Variants in PCSK1 observed in about 807,000 individuals in gnomAD.
PCSK1 encodes the protein neuroendocrine convertase 1.
In PCSK1, 56 loss-of-function variants were observed where a neutral mutation model predicts 90.6. The observed-to-expected ratio is 0.62, with a 90% CI of 0.50 to 0.77. The LOEUF (loss-of-function observed/expected upper bound fraction) is 0.77, where lower values mean the gene tolerates loss of function less well. PCSK1 is among the 30% of genes least tolerant of loss of function. The pLI, the probability that PCSK1 is intolerant of heterozygous loss-of-function variation, is 0.00. For synonymous variants in PCSK1, 348 were observed against 342.4 expected (o/e 1.02, Z -0.18); for missense variants, 801 against 932.6 (o/e 0.86, Z 1.84).
chr5:96,431,806 G>GA (rs931694010), intron 1 of PCSK1, among the ~76,000 whole-genome samples: 3 of 152,176 alleles, frequency 2.0e-5, no homozygotes, highest in Admixed American at 6.5e-5. Flanking sequence ...ACCACCTCCA[G>GA]AAAAAACGCG....
rs57333287 is a variant in PCSK1 at position 96,423,584 on chromosome 5, G to A, written c.397-125C>T. ...TGGGTCACTCTACTCTTTAGAAGAA[G>A]CCAATTCAGTGAAATGAGAAAACAA... On this transcript the variant is annotated intron_variant, in intron 3 of 13. Coordinates refer to ENST00000311106, the MANE Select transcript of PCSK1 (RefSeq NM_000439.5). The A allele has an allele frequency of 6.3e-3, 5,273 of 843,448 alleles. 179 individuals are homozygous for A. The African/African-American group carries it at 0.075, about 12-fold the overall frequency. 52.2% of individuals were successfully genotyped at this position (843,448 alleles called of 1,614,324 possible).
At chr5:96,414,701 A>C (rs937202716) in intron 6 of PCSK1, among the ~76,000 whole-genome samples, 5 of 152,218 alleles carry the variant, frequency 3.3e-5, no homozygotes, top group Admixed American at 6.5e-5. Flanking sequence ...CTTTCTCTAC[A>C]AAATGAAGGG....
intron 8 of PCSK1, among the ~76,000 whole-genome samples, chr5:96,409,997 A>T (rs918330154): frequency 6.6e-6 from 1 of 152,194 alleles, no homozygotes; most frequent in Non-Finnish European, 1.5e-5. Flanking sequence ...TTAGATCATG[A>T]CCTGCTATTT....
At chr5:96,417,697 G>T (rs142960606) in intron 5 of PCSK1, among the ~76,000 whole-genome samples, 1 of 152,132 alleles carries the variant, frequency 6.6e-6, no homozygotes, top group African/African-American at 2.4e-5. Context: ...ACATCACTTG[G>T]GTGAATATTT....
chr5:96,422,663 T>A (rs73148257), intron 4 of PCSK1, among the ~76,000 whole-genome samples: 1,650 of 152,294 alleles, frequency 0.011, 31 homozygotes, highest in African/African-American at 0.037. Flanking sequence ...AGCTGGGGAA[T>A]GTTTGATAGG....
chr5:96,424,045 T>C (rs1320667331), intron 3 of PCSK1, among the ~76,000 whole-genome samples: 2 of 152,120 alleles, frequency 1.3e-5, no homozygotes, highest in African/African-American at 4.8e-5. Context: ...GTTTTCCTTT[T>C]AAAATACATT....
intron 9 of PCSK1, among the ~76,000 whole-genome samples, chr5:96,406,322 G>T (rs1760560935): frequency 6.6e-6 from 1 of 152,148 alleles, no homozygotes; most frequent in Non-Finnish European, 1.5e-5. Context: ...ATTTGGATCT[G>T]CTGATGCCAG....
chr5:96,424,337 G>A (rs1761217452), intron 3 of PCSK1, among the ~76,000 whole-genome samples: 1 of 152,186 alleles, frequency 6.6e-6, no homozygotes, highest in Admixed American at 6.5e-5. Flanking sequence ...GGCTGGAACT[G>A]TACACAGATT....
intron 8 of PCSK1, among the ~76,000 whole-genome samples, chr5:96,410,335 G>C (rs1352005345): frequency 6.6e-6 from 1 of 152,122 alleles, no homozygotes. Flanking sequence ...AGGAGACATA[G>C]CTGGTGTAGA....
At chr5:96,420,265 T>C (rs896067847) in intron 5 of PCSK1, among the ~76,000 whole-genome samples, 3 of 152,160 alleles carry the variant, frequency 2.0e-5, no homozygotes, top group Non-Finnish European at 4.4e-5. Context: ...CACCCTTTAC[T>C]CTGGGAATTG....
chr5:96,400,855 A>T (rs369734422), intron 9 of PCSK1, among the ~76,000 whole-genome samples: 49,128 of 150,842 alleles, frequency 0.33, 8,530 homozygotes, highest in African/African-American at 0.48. Flanking sequence ...TGGGAGGCCG[A>T]GGCGGGCGGA....
intron 12 of PCSK1, 135 bp downstream of exon 12, chr5:96,397,199 ACT>A (rs1760182651): frequency 5.2e-6 from 4 of 762,668 alleles, no homozygotes; most frequent in South Asian, 4.6e-5. Flanking sequence ...GGCTTGAAAC[ACT>A]CTACTTTTCC....
At chr5:96,408,139 AC>A in intron 9 of PCSK1, 83 bp downstream of exon 9, 1 of 954,012 alleles carries the variant, frequency 1.0e-6, no homozygotes, top group Non-Finnish European at 1.7e-6. Context: ...TTCTCCTGTA[AC>A]CATGTATTCA....
intron 4 of PCSK1, among the ~76,000 whole-genome samples, chr5:96,422,168 A>T (rs1231001397): frequency 6.9e-6 from 1 of 144,950 alleles, no homozygotes; most frequent in Non-Finnish European, 1.5e-5. Context: ...GTGAGCCAGC[A>T]TTCAATTCTC....
intron 1 of PCSK1, among the ~76,000 whole-genome samples, chr5:96,432,543 G>A (rs1278466816): frequency 6.6e-6 from 1 of 152,234 alleles, no homozygotes; most frequent in African/African-American, 2.4e-5. Flanking sequence ...TGTATCTCAA[G>A]TTCCCTGAAC....
At chr5:96,395,147 T>C in intron 12 of PCSK1, 122 bp from the exon 13 acceptor site, 1 of 843,042 alleles carries the variant, frequency 1.2e-6, no homozygotes, top group Non-Finnish European at 2.0e-6. Context: ...GCATTTCATG[T>C]GAAAGAAACC....
chr5:96,413,862 G>A (rs1488896316), intron 6 of PCSK1, among the ~76,000 whole-genome samples: 3 of 138,054 alleles, frequency 2.2e-5, no homozygotes, highest in African/African-American at 8.2e-5. Context: ...GCTCACGCCT[G>A]TAATCCCAGC....
intron 11 of PCSK1, among the ~76,000 whole-genome samples, chr5:96,397,879 C>G (rs1417378703): frequency 6.6e-6 from 1 of 151,740 alleles, no homozygotes. Flanking sequence ...TTAGTAGGTG[C>G]CTGACTCCAT....
At chr5:96,420,486 C>T (rs772084868) in intron 5 of PCSK1, among the ~76,000 whole-genome samples, 13 of 152,090 alleles carry the variant, frequency 8.5e-5, no homozygotes, top group Admixed American at 2.0e-4. Flanking sequence ...GGGATATTTG[C>T]GGTTAACCCC....
Sources: allele counts gnomAD v4.1 joint callset (sites outside exome capture counted in the v4.1 genomes callset), GRCh38; gene constraint gnomAD v4.1.1; transcripts MANE v1.5; gene names NCBI Gene and HGNC (gene_info 2026-07-23, HGNC 2026-07-21).